The following ONECUT1 variants were observed in gnomAD, a reference collection of about 807,000 sequenced individuals.
ONECUT1 encodes one cut homeobox 1, also known as hepatocyte nuclear factor 6.
In ONECUT1, 12 loss-of-function variants were observed where a neutral mutation model predicts 25.6. The observed-to-expected ratio is 0.47, with a 90% CI of 0.30 to 0.76. ONECUT1 has a LOEUF of 0.76. Among genes scored for constraint, ONECUT1 ranks in the 30% least tolerant of loss-of-function variants. The probability of loss-of-function intolerance (pLI) is 0.07; values close to 1 mark genes in which losing one functional copy is unlikely to be tolerated. For synonymous variants in ONECUT1, 285 were observed against 270.2 expected (o/e 1.05, Z -0.54); for missense variants, 620 against 651.2 (o/e 0.95, Z 0.52).
chr15:52,774,120 G>T (rs1167941117), intron 1 of ONECUT1, among the ~76,000 whole-genome samples: 1 of 82,882 alleles, frequency 1.2e-5, no homozygotes. Flanking sequence ...AGATTGGAAG[G>T]ATACACACAC....
intron 1 of ONECUT1, among the ~76,000 whole-genome samples, chr15:52,767,311 G>A (rs911230941): frequency 2.0e-5 from 3 of 152,276 alleles, no homozygotes; most frequent in African/African-American, 7.2e-5. Flanking sequence ...CTATTTTGGT[G>A]TGATTCTAGA....
chr15:52,773,086 G>A (rs1156436734), intron 1 of ONECUT1, among the ~76,000 whole-genome samples: 1 of 152,216 alleles, frequency 6.6e-6, no homozygotes, highest in Non-Finnish European at 1.5e-5. Context: ...GGCAGGTGGG[G>A]TGGGGAGAGA....
chr15:52,773,825 G>A (rs1277154747), intron 1 of ONECUT1, among the ~76,000 whole-genome samples: 2 of 152,086 alleles, frequency 1.3e-5, no homozygotes, highest in East Asian at 3.8e-4. Context: ...TGAATTGTAA[G>A]CCACTGGAAA....
In ONECUT1 at chr15:52,789,372, G is replaced by T. The variant is rs758480291; in HGVS notation, c.513C>A (p.Asp171Glu). 6.2e-7 allele frequency: 1 copy of T among 1,610,300 alleles called. No homozygotes were observed. Among genetic ancestry groups the T allele is most frequent in the Non-Finnish European group, 8.5e-7 (1 of 1,177,642 alleles). The change falls in exon 1 of 2, where the codon GAC (aspartate) becomes GAA (glutamate). Residue 171 changes from aspartate to glutamate, a missense_variant. Physicochemically the swap from Asp to Glu is conservative, Grantham distance 45. Around this residue, in one of 4 missense-constraint regions of ONECUT1, gnomAD observed 440 missense variants for 404.9 expected, o/e 1.09. Transcript: ENST00000305901. This position sits in a 1 kb window ranked among gnomAD's most constrained non-coding sequence, Gnocchi z 4.1. ...AGAGGCTCTGGCCCATGCCGGCCAC[G>T]TCCTTGTGGTAGGGGGTATAGAGGT... ...MNNLYTPYHK[D>E]VAGMGQSLSP...
At chr15:52,783,337 G>T (rs1401447377) in intron 1 of ONECUT1, among the ~76,000 whole-genome samples, 1 of 152,230 alleles carries the variant, frequency 6.6e-6, no homozygotes, top group Admixed American at 6.5e-5. Context: ...TGATCTTTTC[G>T]ATTACCTCAG....
chr15:52,775,252 A>G (rs2141456155), intron 1 of ONECUT1, among the ~76,000 whole-genome samples: 1 of 151,744 alleles, frequency 6.6e-6, no homozygotes, highest in East Asian at 1.9e-4. Flanking sequence ...ACTTGGGAGC[A>G]TTTTCAACCT....
At chr15:52,773,266 T>C (rs2083779712) in intron 1 of ONECUT1, among the ~76,000 whole-genome samples, 1 of 151,090 alleles carries the variant, frequency 6.6e-6, no homozygotes, top group African/African-American at 2.4e-5. Flanking sequence ...GAGAGGTAGA[T>C]TACTGGGTAC....
chr15:52,782,435 A>T (rs1437581581), intron 1 of ONECUT1, among the ~76,000 whole-genome samples: 1 of 152,222 alleles, frequency 6.6e-6, no homozygotes, highest in Admixed American at 6.5e-5. Context: ...TATTGATAGA[A>T]GGTAGGAATT....
intron 1 of ONECUT1, among the ~76,000 whole-genome samples, chr15:52,767,301 C>T (rs2083740348): frequency 6.6e-6 from 1 of 152,122 alleles, no homozygotes; most frequent in South Asian, 2.1e-4. Context: ...CCACAAACAG[C>T]TATTTTGGTG....
At chr15:52,759,873 G>A (rs965487845) in intron 1 of ONECUT1, among the ~76,000 whole-genome samples, 1 of 151,912 alleles carries the variant, frequency 6.6e-6, no homozygotes, top group African/African-American at 2.4e-5. Flanking sequence ...CCTCCCATTA[G>A]AGGTGTGAGC....
At chr15:52,778,225 G>A (rs2083817069) in intron 1 of ONECUT1, among the ~76,000 whole-genome samples, 1 of 152,138 alleles carries the variant, frequency 6.6e-6, no homozygotes. Context: ...GCTACAGGGT[G>A]TTCTTGCCTC....
At position 52,768,501 on chromosome 15, in the gene ONECUT1, C is replaced by T. The variant is rs1209398683; in HGVS notation, c.1106-10654G>A. On this transcript the variant is annotated intron_variant, in intron 1 of 1. Coordinates refer to ENST00000305901, the MANE Select transcript of ONECUT1 (RefSeq NM_004498.4). ...CAATAATTGGAGTGATATAGATGCT[C>T]TAGTTATTATGATGATTCCACAAAA... 2.0e-5 allele frequency among the ~76,000 whole-genome samples: 3 copies of T among 152,104 alleles called. No homozygotes were observed. In the East Asian group the frequency reaches 5.8e-4, roughly 29 times the overall value.
chr15:52,757,483 A>T lies in ONECUT1; in HGVS notation c.*72T>A, dbSNP rs2083679802. On this transcript the variant is annotated 3_prime_UTR_variant, in exon 2 of 2. Transcript: ENST00000305901. ...TTCTAAGTATAAACCTGCTATCTTG[A>T]GGTCCTGGTCTTTTAAAAATTTTTT... 7 of 1,455,122 alleles carry T rather than the reference A, an allele frequency of 4.8e-6. No individual in the cohort carries two copies. In the Admixed American group the frequency reaches 1.3e-4, roughly 28 times the overall value. The allele number at this position is 1,455,122 out of a possible 1,614,324, so 90.1% of individuals were successfully genotyped here.
intron 1 of ONECUT1, among the ~76,000 whole-genome samples, chr15:52,775,542 CAG>C (rs1360506343): frequency 6.6e-6 from 1 of 151,104 alleles, no homozygotes; most frequent in African/African-American, 2.4e-5. Context: ...AAACTGGTAA[CAG>C]GGGTTTCTTC....
At chr15:52,760,667 G>C (rs1404348503) in intron 1 of ONECUT1, among the ~76,000 whole-genome samples, 1 of 152,140 alleles carries the variant, frequency 6.6e-6, no homozygotes, top group Non-Finnish European at 1.5e-5. Context: ...AGTATTAGTA[G>C]ATTGGTATTT....
chr15:52,757,304 A>C lies in ONECUT1; in HGVS notation c.*251T>G. 1 of 483,456 alleles carries C rather than the reference A, an allele frequency of 2.1e-6. No individual in the cohort carries two copies. Among genetic ancestry groups the C allele is most frequent in the Non-Finnish European group, 3.6e-6 (1 of 274,924 alleles). The allele number at this position is 483,456 out of a possible 1,614,324, so 29.9% of individuals were successfully genotyped here. A position where few individuals can be genotyped will look rare whatever the true frequency, so the allele number is the denominator to read the frequency against. On this transcript the variant is annotated 3_prime_UTR_variant, in exon 2 of 2. Transcript: ENST00000305901. The stretch of plus-strand genomic sequence containing the variant: ...CACAGCGAGGATGGTCATGGATTGA[A>C]GGTGTGAGATCCAGTGGTGTTTTCC...
chr15:52,762,717 A>G (rs1013429307), intron 1 of ONECUT1, among the ~76,000 whole-genome samples: 2 of 152,234 alleles, frequency 1.3e-5, no homozygotes, highest in African/African-American at 4.8e-5. Flanking sequence ...ATGCTGCCAA[A>G]GCTGGAGGTG....
chr15:52,783,010 C>A (rs1383019072), intron 1 of ONECUT1, among the ~76,000 whole-genome samples: 1 of 152,124 alleles, frequency 6.6e-6, no homozygotes, highest in African/African-American at 2.4e-5. Context: ...TCTGTAAGAA[C>A]GATTTCTTCT....
chr15:52,789,725 C>T lies in ONECUT1; in HGVS notation c.160G>A (p.Gly54Ser), dbSNP rs770620068. The change falls in exon 1 of 2, where the codon GGC (glycine) becomes AGC (serine). Residue 54 changes from glycine to serine, a missense_variant. Around this residue, in one of 4 missense-constraint regions of ONECUT1, gnomAD observed 440 missense variants for 404.9 expected, o/e 1.09. Transcript: ENST00000305901. The surrounding 1 kb of genome is among the most constrained non-coding windows in gnomAD (Gnocchi z 4.1). ...HLPPAHPRSM[G>S]MASLLDGGSG... is the part of the protein sequence containing the mutation. ...CCGCCGTCCAGCAGGGACGCCATGC[C>T]CATGGAGCGCGGGTGCGCGGGGGGC... 3.5e-6 allele frequency: 5 copies of T among 1,439,012 alleles called. No individual in the cohort carries two copies. Among genetic ancestry groups the T allele is most frequent in the Non-Finnish European group, 4.5e-6 (5 of 1,105,166 alleles). 89.1% of individuals were successfully genotyped at this position (1,439,012 alleles called of 1,614,324 possible). A position where few individuals can be genotyped will look rare whatever the true frequency, so the allele number is the denominator to read the frequency against.
Sources: allele counts gnomAD v4.1 joint callset (sites outside exome capture counted in the v4.1 genomes callset), GRCh38; gene constraint gnomAD v4.1.1; regional missense constraint gnomAD v4.1.1; non-coding constraint Gnocchi (gnomAD v3.1); transcripts MANE v1.5; gene names NCBI Gene and HGNC (gene_info 2026-07-23, HGNC 2026-07-21).